Variants in SFPQ observed in about 807,000 individuals in gnomAD.
SFPQ encodes the protein splicing factor proline and glutamine rich.
Under a neutral mutation model 72.9 loss-of-function variants are expected in SFPQ, and 11 were observed. That is an observed-to-expected ratio of 0.15 (90% CI 0.09 to 0.25). The LOEUF (loss-of-function observed/expected upper bound fraction) is 0.25. SFPQ is among the 10% of genes least tolerant of loss of function. The pLI is 1.00. For synonymous variants in SFPQ, 506 were observed against 367.3 expected (o/e 1.38, Z -4.32); for missense variants, 847 against 993.3 (o/e 0.85, Z 1.98).
rs1054974641 is a variant in SFPQ at position 35,192,619 on chromosome 1, C to G, written c.431G>C (p.Gly144Ala). The G allele has an allele frequency of 2.2e-6, 3 of 1,369,804 alleles. No individual in the cohort carries two copies. The East Asian group carries it at 9.2e-5, about 42-fold the overall frequency. The allele number at this position is 1,369,804 out of a possible 1,614,324, so 84.9% of individuals were successfully genotyped here. Residue 144 changes from glycine (G) to alanine (A), a missense_variant, in exon 1 of 10, where the codon GGG becomes GCG. Around this residue, in one of 6 missense-constraint regions of SFPQ, gnomAD observed 498 missense variants for 405.1 expected, o/e 1.23. Transcript: ENST00000357214. ...ATPPTSGAPP[G>A]SGPGPTPTPP... ...GGTCGGAGTCGGGCCTGGCCCGGAC[C>G]CTGGCGGGGCCCCCGAGGTTGGTGG...
intron 2 of SFPQ, 101 bp from the exon 3 acceptor site, chr1:35,191,096 C>T: frequency 9.2e-7 from 1 of 1,081,998 alleles, no homozygotes; most frequent in Non-Finnish European, 1.3e-6. Context: ...TCCTTCAGCT[C>T]AGTTCGACCA....
chr1:35,180,884 C>T, downstream of SFPQ: 2 of 985,386 alleles, frequency 2.0e-6, no homozygotes, highest in East Asian at 2.3e-4. Flanking sequence ...TAAAGGAAAC[C>T]ACACAACTGA....
chr1:35,189,154 T>A, intron 5 of SFPQ, 32 bp downstream of exon 5: 1 of 1,613,526 alleles, frequency 6.2e-7, no homozygotes, highest in Non-Finnish European at 8.5e-7. Context: ...CAATTGACCT[T>A]AGCAATGATG....
intron 4 of SFPQ, 38 bp downstream of exon 4, chr1:35,190,460 T>C (rs765548502): frequency 3.5e-5 from 49 of 1,418,806 alleles, no homozygotes; most frequent in Non-Finnish European, 4.4e-5. Context: ...CCTTTACACT[T>C]GATTTAAAAA....
At chr1:35,188,400 A>AT (rs1390146157) in intron 6 of SFPQ, among the ~76,000 whole-genome samples, 3 of 152,260 alleles carry the variant, frequency 2.0e-5, no homozygotes, top group Non-Finnish European at 4.4e-5. Flanking sequence ...ATGTTAGTGC[A>AT]TAAGTCAAGG....
At chr1:35,182,234 C>CTACTA (rs1639498017), downstream of SFPQ, 1 of 985,312 alleles carries the variant, frequency 1.0e-6, no homozygotes, top group East Asian at 1.1e-4. Context: ...ATTTTCTTGT[C>CTACTA]TTTAGTAGAG....
At chr1:35,186,405 A>T (rs1262394662) in intron 9 of SFPQ, among the ~76,000 whole-genome samples, 2 of 152,188 alleles carry the variant, frequency 1.3e-5, no homozygotes, top group Non-Finnish European at 2.9e-5. Context: ...AAAATTGTTG[A>T]TTTTTGCTAC....
At chr1:35,190,671 T>C (rs1639954465) in intron 3 of SFPQ, 23 bp downstream of exon 3, 2 of 1,610,622 alleles carry the variant, frequency 1.2e-6, no homozygotes, top group South Asian at 1.1e-5. Context: ...ATAGAAATTA[T>C]TAGAATAAAC....
downstream of SFPQ, chr1:35,178,607 G>GC: frequency 9.5e-7 from 1 of 1,057,534 alleles, no homozygotes; most frequent in Non-Finnish European, 1.1e-6. Flanking sequence ...GGCTGGAAAA[G>GC]CTATGCCTTA....
At position 35,192,661 on chromosome 1, in the gene SFPQ, G is replaced by A. The variant is rs2148629178; in HGVS notation, c.389C>T (p.Ser130Leu). The A allele has an allele frequency of 2.2e-6, 3 of 1,392,950 alleles. No homozygotes were observed. Among genetic ancestry groups the A allele is most frequent in the East Asian group, 3.1e-5 (1 of 32,776 alleles). The allele number at this position is 1,392,950 out of a possible 1,614,324, so 86.3% of individuals were successfully genotyped here. A position where few individuals can be genotyped will look rare whatever the true frequency, so the allele number is the denominator to read the frequency against. ...GGTTGGTGGAGTGGCGGGCGGGGCC[G>A]AGCTGGAGGCTGGTGGTGCGCTGCC... ...GVGSAPPASSSAPPATPPTSG... is the reference protein window; with the variant it reads ...GVGSAPPASSLAPPATPPTSG... The change falls in exon 1 of 10, where the codon TCG becomes TTG. Residue 130 changes from serine to leucine, a missense_variant. Ser to Leu is a moderately radical substitution (Grantham distance 145, BLOSUM62 -2). Transcript: ENST00000357214.
At position 35,192,843 on chromosome 1, in the gene SFPQ, C is replaced by T; in HGVS notation, c.207G>A (p.Gln69=). Residue 69 remains glutamine (Q), a synonymous_variant, in exon 1 of 10, where the codon CAG becomes CAA. Transcript: ENST00000357214. ...PIPPPPPHQQ[Q]QQPPPQQPPP... ...GTGGCTGCTGCGGTGGTGGCTGTTG[C>T]TGCTGTTGGTGTGGAGGCGGTGGCG... 6.5e-7 allele frequency: 1 copy of T among 1,528,526 alleles called. No homozygotes were observed. Among genetic ancestry groups the T allele is most frequent in the Non-Finnish European group, 8.7e-7 (1 of 1,145,890 alleles). The allele number at this position is 1,528,526 out of a possible 1,614,324, so 94.7% of individuals were successfully genotyped here.
chr1:35,186,934 AAAAC>A lies in SFPQ; in HGVS notation c.1986+63_1986+66del, dbSNP rs1479820657. The A allele has an allele frequency of 2.8e-5, 42 of 1,524,136 alleles. 1 individual carries two copies. In the East Asian group the frequency reaches 5.9e-4, roughly 22 times the overall value. The allele number at this position is 1,524,136 out of a possible 1,614,324, so 94.4% of individuals were successfully genotyped here. ...CCTACTTAAAAAAACAAAACAAAAC[AAAAC>A]AAACACACCTAAGTTGTGAAAATGA... On this transcript the variant is annotated intron_variant, in intron 9 of 9. Coordinates refer to ENST00000357214, the MANE Select transcript of SFPQ (RefSeq NM_005066.3).
Position 35,191,331 on chromosome 1 carries a change from T to C in SFPQ, c.1017+10A>G. On this transcript the variant is annotated intron_variant, in intron 2 of 9. Coordinates refer to ENST00000357214, the MANE Select transcript of SFPQ (RefSeq NM_005066.3). ...TTTAATTCTACGTAAAATCAAACAA[T>C]TACACTCACAAGCTTAATAAATCCG... 1.9e-6 allele frequency: 3 copies of C among 1,610,830 alleles called. No individual in the cohort carries two copies. The highest frequency in any genetic ancestry group is 1.7e-6 in the Non-Finnish European group (2 of 1,177,582).
intron 4 of SFPQ, 90 bp from the exon 5 acceptor site, chr1:35,189,472 T>A: frequency 2.7e-6 from 3 of 1,122,174 alleles, no homozygotes; most frequent in Non-Finnish European, 3.8e-6. Context: ...CCTGTTCTAT[T>A]TCTTGTAAAG....
rs1640059141 is a variant in SFPQ, at chr1:35,192,328, G to A, written c.722C>T (p.Pro241Leu). The A allele has an allele frequency of 7.8e-6, 11 of 1,415,074 alleles. No homozygotes were observed. The highest frequency in any genetic ancestry group is 1.5e-5 in the African/African-American group (1 of 65,618). 87.7% of individuals were successfully genotyped at this position (1,415,074 alleles called of 1,614,324 possible). A position where few individuals can be genotyped will look rare whatever the true frequency, so the allele number is the denominator to read the frequency against. Residue 241 changes from proline (P) to leucine (L), a missense_variant, in exon 1 of 10, where the codon CCC becomes CTC. Around this residue, in one of 6 missense-constraint regions of SFPQ, gnomAD observed 498 missense variants for 405.1 expected, o/e 1.23. Transcript: ENST00000357214. ...CGGGTGGTGCTGGCGGCCCCCGCGG[G>A]GCTCCCCGCCGCCTCGATGCGGCGG... is the stretch of plus-strand genomic sequence containing the variant. ...PKPPHRGGGE[P>L]RGGRQHHPPY...
chr1:35,188,039 A>G lies in SFPQ; in HGVS notation c.1749T>C (p.Arg583=), dbSNP rs1337550853. The G allele has an allele frequency of 6.2e-7, 1 of 1,613,928 alleles. No individual in the cohort carries two copies. The change falls in exon 7 of 10, where the codon CGT becomes CGC. Residue 583 remains arginine, a synonymous_variant. Coordinates refer to ENST00000357214, the MANE Select transcript of SFPQ (RefSeq NM_005066.3). ...GGCGCCTCATTTGTTCTTCCATCTC[A>G]CGTTGACGAATCATCATCTCTTCCT... ...RREEEMMIRQ[R]EMEEQMRRQR...
chr1:35,178,356 A>G, downstream of SFPQ: 1 of 1,066,648 alleles, frequency 9.4e-7, no homozygotes, highest in Non-Finnish European at 1.1e-6. Context: ...AAGGTATGTG[A>G]CAACGTTGAC....
In SFPQ at chr1:35,192,437, C is replaced by G; in HGVS notation, c.613G>C (p.Gly205Arg). 1 of 1,421,868 alleles carries G rather than the reference C, an allele frequency of 7.0e-7. No homozygotes were observed. The highest frequency in any genetic ancestry group is 9.1e-7 in the Non-Finnish European group (1 of 1,096,290). The allele number at this position is 1,421,868 out of a possible 1,614,324, so 88.1% of individuals were successfully genotyped here. A position where few individuals can be genotyped will look rare whatever the true frequency, so the allele number is the denominator to read the frequency against. The change falls in exon 1 of 10, where the codon GGT (glycine) becomes CGT (arginine). Residue 205 changes from glycine to arginine, a missense_variant. Physicochemically the swap from Gly to Arg is moderately radical, Grantham distance 125 (BLOSUM62 -2). This residue lies in a region of SFPQ where 498 missense variants were observed against 405.1 expected (regional missense o/e 1.23). Coordinates refer to ENST00000357214, the MANE Select transcript of SFPQ (RefSeq NM_005066.3). ...GPGPKQGPGP[G>R]GPKGGKMPGG... The stretch of plus-strand genomic sequence containing the variant: ...GGCATTTTGCCGCCTTTGGGACCAC[C>G]CGGACCTGGGCCCTGCTTAGGCCCT...
At chr1:35,180,983 C>A, downstream of SFPQ, 1 of 985,436 alleles carries the variant, frequency 1.0e-6, no homozygotes, top group Non-Finnish European at 1.2e-6. Context: ...AGCTCTAACC[C>A]CACACCCACA....
Sources: allele counts gnomAD v4.1 joint callset (sites outside exome capture counted in the v4.1 genomes callset), GRCh38; gene constraint gnomAD v4.1.1; regional missense constraint gnomAD v4.1.1; transcripts MANE v1.5; gene names NCBI Gene and HGNC (gene_info 2026-07-23, HGNC 2026-07-21).